Variants in CPPED1 observed in about 807,000 individuals in gnomAD.
CPPED1 encodes the protein calcineurin like phosphoesterase domain containing 1, also known as serine/threonine-protein phosphatase CPPED1.
A neutral mutation model predicts 28.0 loss-of-function variants in CPPED1; 28 were observed. That is an observed-to-expected ratio of 1.00 (90% CI 0.74 to 1.37). The LOEUF is 1.37. CPPED1 is among the 40% of genes most tolerant of loss of function. The pLI, the probability that CPPED1 is intolerant of heterozygous loss-of-function variation, is 0.00. For synonymous variants in CPPED1, 198 were observed against 180.2 expected, an observed-to-expected ratio of 1.10 and a Z score of -0.79; for missense variants, 504 against 416.5, an observed-to-expected ratio of 1.21 and a Z score of -1.83.
At chr16:12,683,009 T>C (rs932466626) in intron 3 of CPPED1, among the ~76,000 whole-genome samples, 1 of 152,164 alleles carries the variant, frequency 6.6e-6, no homozygotes, top group Non-Finnish European at 1.5e-5. Context: ...CATCCAAAAA[T>C]ACTCGAGGGA....
intron 1 of CPPED1, among the ~76,000 whole-genome samples, chr16:12,801,412 T>G (rs576801258): frequency 2.3e-4 from 35 of 151,846 alleles, no homozygotes; most frequent in African/African-American, 8.0e-4. Flanking sequence ...TATATAGGCG[T>G]GAGCCACCGC....
chr16:12,777,663 T>G (rs1289127666), intron 2 of CPPED1, among the ~76,000 whole-genome samples: 1 of 152,214 alleles, frequency 6.6e-6, no homozygotes, highest in Non-Finnish European at 1.5e-5. Flanking sequence ...TCCTATGGGC[T>G]TGGCACCAAG....
At chr16:12,747,820 G>A (rs2080300575) in intron 2 of CPPED1, among the ~76,000 whole-genome samples, 1 of 152,132 alleles carries the variant, frequency 6.6e-6, no homozygotes, top group Non-Finnish European at 1.5e-5. Flanking sequence ...CACTTCAAAC[G>A]TGTGCAGTTC....
chr16:12,670,847 A>G lies in CPPED1; in HGVS notation c.716-5732T>C, dbSNP rs2079849476. The stretch of plus-strand genomic sequence containing the variant: ...TGTGTTTTTATTTTTTTAATTATTT[A>G]TTTATTTTTAATATATTTTTTGAGG... On this transcript the variant is annotated intron_variant, in intron 3 of 3. Transcript: ENST00000381774. The surrounding 1 kb of genome is among the most constrained non-coding windows in gnomAD (Gnocchi z 4.2). Among the ~76,000 whole-genome samples the G allele has an allele frequency of 6.6e-6, 1 of 152,106 alleles. No homozygotes were observed. The highest frequency in any genetic ancestry group is 1.5e-5 in the Non-Finnish European group (1 of 68,018).
chr16:12,776,745 C>G (rs535738427), intron 2 of CPPED1, among the ~76,000 whole-genome samples: 1 of 152,236 alleles, frequency 6.6e-6, no homozygotes, highest in East Asian at 1.9e-4. Context: ...ATGGTGAAAT[C>G]CCGTCTCTAC....
At chr16:12,784,702 G>A (rs923707231) in intron 1 of CPPED1, among the ~76,000 whole-genome samples, 2 of 152,212 alleles carry the variant, frequency 1.3e-5, no homozygotes, top group Non-Finnish European at 2.9e-5. Context: ...TAAGCTGGAT[G>A]AATTAATCAG....
chr16:12,787,703 C>G (rs2080572699), intron 1 of CPPED1, among the ~76,000 whole-genome samples: 2 of 152,136 alleles, frequency 1.3e-5, no homozygotes. Flanking sequence ...CCACACCTGG[C>G]CAGCGAATTT....
At chr16:12,767,852 G>C (rs1363219530) in intron 2 of CPPED1, among the ~76,000 whole-genome samples, 1 of 152,154 alleles carries the variant, frequency 6.6e-6, no homozygotes, top group African/African-American at 2.4e-5. Context: ...AGTTACTTGG[G>C]AGGGTGAGGC....
intron 2 of CPPED1, among the ~76,000 whole-genome samples, chr16:12,777,870 A>C (rs973062782): frequency 1.3e-5 from 1 of 79,208 alleles, no homozygotes; most frequent in Non-Finnish European, 2.9e-5. Flanking sequence ...TACTTTCATT[A>C]AAAAAAAAAT....
In CPPED1 at chr16:12,709,905, GGGGAAGGAAGGGAAGGAA is replaced by G. The variant is rs113544358; in HGVS notation, c.290-4874_290-4857del. 6.1e-4 allele frequency among the ~76,000 whole-genome samples: 83 copies of G among 135,100 alleles called. No homozygotes were observed. In the South Asian group the frequency reaches 6.9e-3, roughly 11 times the overall value. 88.6% of individuals were successfully genotyped at this position (135,100 alleles called of 152,430 possible). A position where few individuals can be genotyped will look rare whatever the true frequency, so the allele number is the denominator to read the frequency against. On this transcript the variant is annotated intron_variant, in intron 2 of 3. Transcript: ENST00000381774. The surrounding 1 kb of genome is among the most constrained non-coding windows in gnomAD (Gnocchi z 4.4). ...AGGAAGGGAAGGAAGGGAAAGACGG[GGGGAAGGAAGGGAAGGAA>G]GGGAAGGAAGGGAAGGAAGGGAGGA... is the stretch of plus-strand genomic sequence containing the variant.
chr16:12,673,091 A>T (rs1338339132), intron 3 of CPPED1, among the ~76,000 whole-genome samples: 3 of 152,210 alleles, frequency 2.0e-5, no homozygotes, highest in Non-Finnish European at 2.9e-5. Flanking sequence ...GTGGCGTGAC[A>T]GATGCAGCCA....
intron 2 of CPPED1, among the ~76,000 whole-genome samples, chr16:12,735,919 T>A (rs2080224474): frequency 6.6e-6 from 1 of 152,174 alleles, no homozygotes; most frequent in Non-Finnish European, 1.5e-5. Context: ...AAGTTATATT[T>A]AAACTGCCCC....
In CPPED1 at chr16:12,704,990, T is replaced by C. The variant is rs2080041973; in HGVS notation, c.349A>G (p.Arg117Gly). The C allele has an allele frequency of 6.2e-7, 1 of 1,614,228 alleles. No individual in the cohort carries two copies. The highest frequency in any genetic ancestry group is 8.5e-7 in the Non-Finnish European group (1 of 1,180,040). Residue 117 changes from arginine (R) to glycine (G), a missense_variant, in exon 3 of 4, where the codon AGG becomes GGG. Coordinates refer to ENST00000381774, the MANE Select transcript of CPPED1 (RefSeq NM_018340.3). ...CTGACAAGGACCAGTGGGATGGCCC[T>C]GTCCACTGCCCTAAGCACTCGCTTC... is the stretch of plus-strand genomic sequence containing the variant. ...DLKRVLRAVDRAIPLVLVSGN... is the reference protein window; with the variant it reads ...DLKRVLRAVDGAIPLVLVSGN...
Position 12,704,702 on chromosome 16 carries a change from T to C in CPPED1, c.637A>G (p.Ile213Val), listed in dbSNP as rs1398298637. 5 of 1,614,240 alleles carry C rather than the reference T, an allele frequency of 3.1e-6. No homozygotes were observed. Among genetic ancestry groups the C allele is most frequent in the Admixed American group, 3.3e-5 (2 of 60,024 alleles). The change falls in exon 3 of 4, where the codon ATC becomes GTC. Residue 213 changes from isoleucine to valine, a missense_variant. Physicochemically the swap from Ile to Val is conservative, Grantham distance 29 (BLOSUM62 3). Transcript: ENST00000381774. Reference protein sequence around the residue: ...FQHIPLFLESIDEDDDYYFNL... With the variant: ...FQHIPLFLESVDEDDDYYFNL... The stretch of plus-strand genomic sequence containing the variant: ...AAGTAGTAGTCGTCGTCCTCGTCGA[T>C]GCTCTCCAGGAACAGCGGGATGTGC...
intron 2 of CPPED1, among the ~76,000 whole-genome samples, chr16:12,744,777 T>A (rs942372386): frequency 2.0e-5 from 3 of 152,184 alleles, no homozygotes; most frequent in Middle Eastern, 3.4e-3. Context: ...GCTCACAAGT[T>A]CAAGACCAGC....
rs2079795298 is a variant in CPPED1, at chr16:12,661,662, C to T, written c.*3224G>A. On this transcript the variant is annotated 3_prime_UTR_variant, in exon 4 of 4. Coordinates refer to ENST00000381774, the MANE Select transcript of CPPED1 (RefSeq NM_018340.3). ...CCTTGAGACAGCTGGTGGTTTCCTACACCCTGTGGTGGTAACTCCAGACAT... is the reference window on the plus strand; with the variant it reads ...CCTTGAGACAGCTGGTGGTTTCCTATACCCTGTGGTGGTAACTCCAGACAT... 1.3e-5 allele frequency: 2 copies of T among 152,242 alleles called. No homozygotes were observed. The highest frequency in any genetic ancestry group is 2.1e-4 in the South Asian group (1 of 4,838). 9.4% of individuals were successfully genotyped at this position (152,242 alleles called of 1,614,324 possible).
At chr16:12,693,135 A>C (rs2079972055) in intron 3 of CPPED1, among the ~76,000 whole-genome samples, 1 of 152,206 alleles carries the variant, frequency 6.6e-6, no homozygotes, top group African/African-American at 2.4e-5. Context: ...GAAGACCTGG[A>C]GAAGGCACCT....
chr16:12,770,765 T>A (rs1349457646), intron 2 of CPPED1, among the ~76,000 whole-genome samples: 1 of 151,076 alleles, frequency 6.6e-6, no homozygotes, highest in African/African-American at 2.4e-5. Flanking sequence ...GAGGTTGCAG[T>A]GAGCCGAGAT....
At chr16:12,718,006 G>A (rs1235098880) in intron 2 of CPPED1, among the ~76,000 whole-genome samples, 1 of 152,188 alleles carries the variant, frequency 6.6e-6, no homozygotes, top group Non-Finnish European at 1.5e-5. Context: ...GGTTAACCCA[G>A]TCTGACTCCA....
Sources: allele counts gnomAD v4.1 joint callset (sites outside exome capture counted in the v4.1 genomes callset), GRCh38; gene constraint gnomAD v4.1.1; non-coding constraint Gnocchi (gnomAD v3.1); transcripts MANE v1.5; gene names NCBI Gene and HGNC (gene_info 2026-07-23, HGNC 2026-07-21).